Variants in CRNKL1 observed in about 807,000 individuals in gnomAD.
CRNKL1 encodes the protein crooked neck pre-mRNA splicing factor 1.
CRNKL1 carries 35 observed loss-of-function variants against 103.7 expected under a neutral mutation model. The ratio of observed to expected loss-of-function variants is 0.34; its 90% CI spans 0.26 to 0.45. The LOEUF is 0.45. CRNKL1 is among the 20% of genes least tolerant of loss of function. The probability of loss-of-function intolerance (pLI) is 1.00; values close to 1 mark genes in which losing one functional copy is unlikely to be tolerated. For missense variants in CRNKL1, 645 were observed against 836.0 expected (o/e 0.77, Z 2.82); for synonymous variants, 267 against 282.6 (o/e 0.94, Z 0.55).
In CRNKL1 at chr20:20,038,330, A is replaced by G. The variant is rs915744156; in HGVS notation, c.1647+19T>C. On this transcript the variant is annotated intron_variant, in intron 12 of 13. Transcript: ENST00000536226. Reference sequence around the variant, plus strand: ...GCTGATTCAAGCAAAATGAAAGATCATCTACAAAGCAAGGATACCTTGACA... The same window carrying G: ...GCTGATTCAAGCAAAATGAAAGATCGTCTACAAAGCAAGGATACCTTGACA... The G allele has an allele frequency of 2.3e-5, 33 of 1,454,418 alleles. No homozygotes were observed. The African/African-American group carries it at 2.4e-4, about 11-fold the overall frequency. The allele number at this position is 1,454,418 out of a possible 1,614,324, so 90.1% of individuals were successfully genotyped here.
chr20:20,049,591 A>G (rs2043652260), intron 2 of CRNKL1, among the ~76,000 whole-genome samples, 160 bp from the exon 3 acceptor site: 1 of 152,210 alleles, frequency 6.6e-6, no homozygotes. Context: ...CCCACTACAG[A>G]AGGTTACAGT....
upstream of CRNKL1, among the ~76,000 whole-genome samples, chr20:20,053,950 C>G (rs1301076157): frequency 6.6e-6 from 1 of 150,394 alleles, no homozygotes; most frequent in African/African-American, 2.4e-5. Context: ...GATCACCATC[C>G]TTCTCTCTTA....
At chr20:20,042,737 G>T (rs1246239457) in intron 7 of CRNKL1, among the ~76,000 whole-genome samples, 2 of 152,218 alleles carry the variant, frequency 1.3e-5, no homozygotes, top group African/African-American at 4.8e-5. Flanking sequence ...GTGTCCCACA[G>T]CAAGGACTCC....
upstream of CRNKL1, chr20:20,052,592 G>C (rs1435226093): frequency 6.2e-7 from 1 of 1,613,734 alleles, no homozygotes; most frequent in Admixed American, 1.7e-5. Flanking sequence ...TGCGGATGAG[G>C]TGGGTAACGC....
upstream of CRNKL1, among the ~76,000 whole-genome samples, chr20:20,053,313 A>G (rs773504471): frequency 1.2e-4 from 19 of 152,218 alleles, no homozygotes; most frequent in South Asian, 4.1e-4. Flanking sequence ...TCCTCCCTCC[A>G]CAGCTTCCTG....
intron 13 of CRNKL1, among the ~76,000 whole-genome samples, chr20:20,036,977 C>A (rs2043428796): frequency 6.6e-6 from 1 of 152,242 alleles, no homozygotes; most frequent in Non-Finnish European, 1.5e-5. Context: ...CTCCTTCTTA[C>A]CGCCTACAAG....
rs111851109 is a variant in CRNKL1, at chr20:20,047,949, G to A, written c.456-18C>T. On this transcript the variant is annotated intron_variant, in intron 4 of 13. Coordinates refer to ENST00000536226, the MANE Select transcript of CRNKL1 (RefSeq NM_001278628.2). ...ACTTGTACCTGTAACAAAATCACCC[G>A]AAAATATCTGCTGTGGTTTAGTTCT... The A allele has an allele frequency of 1.5e-4, 247 of 1,606,228 alleles. 3 individuals are homozygous for A. The African/African-American group carries it at 2.4e-3, about 15-fold the overall frequency.
At position 20,037,493 on chromosome 20, in the gene CRNKL1, C is replaced by G; in HGVS notation, c.1726G>C (p.Glu576Gln). The G allele has an allele frequency of 6.2e-7, 1 of 1,614,170 alleles. No homozygotes were observed. The highest frequency in any genetic ancestry group is 8.5e-7 in the Non-Finnish European group (1 of 1,180,024). Reference sequence around the variant, plus strand: ...CAGTTTCGCATGGTTTTGTTAGCTTCTTCATAAATTTGTCTGCATTTAGTC... The same window carrying G: ...CAGTTTCGCATGGTTTTGTTAGCTTGTTCATAAATTTGTCTGCATTTAGTC... ...SLTKCRQIYE[E>Q]ANKTMRNCEE... Residue 576 changes from glutamate to glutamine, a missense_variant, in exon 13 of 14, where the codon GAA (glutamate) becomes CAA (glutamine). Physicochemically the swap from Glu to Gln is conservative, Grantham distance 29. Transcript: ENST00000536226.
Position 20,037,082 on chromosome 20 carries a change from G to A in CRNKL1, c.1896+241C>T, listed in dbSNP as rs140974659. 1.8e-3 allele frequency among the ~76,000 whole-genome samples: 268 copies of A among 152,216 alleles called. 1 individual carries two copies. Among genetic ancestry groups the A allele is most frequent in the Non-Finnish European group, 3.2e-3 (215 of 68,020 alleles). On this transcript the variant is annotated intron_variant, in intron 13 of 13. Transcript: ENST00000536226. ...CTCTAAAAATATCACACTTCATGAA[G>A]TTCCCAGACTCAACCATCACCAAAA...
Position 20,036,338 on chromosome 20 carries a change from A to G in CRNKL1, c.1921T>C (p.Phe641Leu), listed in dbSNP as rs1307840189. The G allele has an allele frequency of 6.2e-7, 1 of 1,614,214 alleles. No homozygotes were observed. The highest frequency in any genetic ancestry group is 2.2e-5 in the East Asian group (1 of 44,882). Residue 641 changes from phenylalanine to leucine, a missense_variant, in exon 14 of 14, where the codon TTT becomes CTT. Phe to Leu is a conservative substitution (Grantham distance 22). This residue lies in a region of CRNKL1 where 582 missense variants were observed against 707.7 expected (regional missense o/e 0.82). Coordinates refer to ENST00000536226, the MANE Select transcript of CRNKL1 (RefSeq NM_001278628.2). ...DGSDAGWEEYFDYIFPEDAAN... is the reference protein window; with the variant it reads ...DGSDAGWEEYLDYIFPEDAAN... The stretch of plus-strand genomic sequence containing the variant: ...GCATCTTCTGGAAAGATGTAATCAA[A>G]GTATTCTTCCCAGCCTGCATCAGAC...
chr20:20,045,261 A>G, intron 6 of CRNKL1, 47 bp downstream of exon 6: 1 of 1,465,806 alleles, frequency 6.8e-7, no homozygotes. Context: ...ACAAAATGTA[A>G]TCTTTGCTAA....
Position 20,036,074 on chromosome 20 carries a change from T to C in CRNKL1, c.*121A>G. ...AGCATTTAAAAAATAACTTAAAAAGTAGCCATCAAAGATACCAATCAATTT... is the reference window on the plus strand; with the variant it reads ...AGCATTTAAAAAATAACTTAAAAAGCAGCCATCAAAGATACCAATCAATTT... On this transcript the variant is annotated 3_prime_UTR_variant, in exon 14 of 14. Coordinates refer to ENST00000536226, the MANE Select transcript of CRNKL1 (RefSeq NM_001278628.2). The C allele has an allele frequency of 3.0e-6, 3 of 996,170 alleles. No homozygotes were observed. The highest frequency in any genetic ancestry group is 5.3e-5 in the East Asian group (2 of 37,884). The allele number at this position is 996,170 out of a possible 1,614,324, so 61.7% of individuals were successfully genotyped here.
rs1234801452 is a variant in CRNKL1 at position 20,035,497 on chromosome 20, T to G, written c.*698A>C. 1 of 152,220 alleles carries G rather than the reference T, an allele frequency of 6.6e-6. No homozygotes were observed. Among genetic ancestry groups the G allele is most frequent in the Non-Finnish European group, 1.5e-5 (1 of 68,024 alleles). 9.4% of individuals were successfully genotyped at this position (152,220 alleles called of 1,614,324 possible). On this transcript the variant is annotated 3_prime_UTR_variant, in exon 14 of 14. Coordinates refer to ENST00000536226, the MANE Select transcript of CRNKL1 (RefSeq NM_001278628.2). The stretch of plus-strand genomic sequence containing the variant: ...TGAAATTATTAGACTAAATTCTTAG[T>G]AAACAATGTTTTCTGAACCTTGTTC...
intron 12 of CRNKL1, 125 bp downstream of exon 12, chr20:20,038,224 A>T: frequency 1.6e-6 from 1 of 618,058 alleles, no homozygotes; most frequent in Middle Eastern, 2.7e-4. Context: ...TCTCTTGAAA[A>T]GCAAGGAAGT....
chr20:20,052,283 A>G lies in CRNKL1; in HGVS notation c.51+9T>C, dbSNP rs1234595729. 1 of 1,604,750 alleles carries G rather than the reference A, an allele frequency of 6.2e-7. No individual in the cohort carries two copies. The highest frequency in any genetic ancestry group is 8.5e-7 in the Non-Finnish European group (1 of 1,177,046). On this transcript the variant is annotated intron_variant, in intron 1 of 13. Coordinates refer to ENST00000536226, the MANE Select transcript of CRNKL1 (RefSeq NM_001278628.2). The stretch of plus-strand genomic sequence containing the variant: ...GCCACCTCCTACAAGGCCCCTCGCG[A>G]TCGCCTACCTTGGCCACTTTGGGAA...
chr20:20,036,668 C>T (rs988749348), intron 13 of CRNKL1, among the ~76,000 whole-genome samples: 2 of 152,332 alleles, frequency 1.3e-5, no homozygotes, highest in South Asian at 2.1e-4. Context: ...AAACGTTTAA[C>T]GATCTTTACA....
chr20:20,054,013 G>GTTTTTTTTTTTTTT (rs1239349657), upstream of CRNKL1, among the ~76,000 whole-genome samples: 46 of 58,952 alleles, frequency 7.8e-4, no homozygotes, highest in African/African-American at 1.0e-3. Flanking sequence ...TTTTTTGTTT[G>GTTTTTTTTTTTTTT]TTTTTTTTTT....
At position 20,050,541 on chromosome 20, in the gene CRNKL1, G is replaced by A. The variant is rs898098844; in HGVS notation, c.133C>T (p.Leu45Phe). 6.2e-7 allele frequency: 1 copy of A among 1,613,950 alleles called. No homozygotes were observed. Among genetic ancestry groups the A allele is most frequent in the Admixed American group, 1.7e-5 (1 of 60,030 alleles). The change falls in exon 2 of 14, where the codon CTT becomes TTT. Residue 45 changes from leucine to phenylalanine, a missense_variant. Leu to Phe is a conservative substitution (Grantham distance 22, BLOSUM62 0). Around this residue, in one of 2 missense-constraint regions of CRNKL1, gnomAD observed 63 missense variants for 128.3 expected, o/e 0.49. Coordinates refer to ENST00000536226, the MANE Select transcript of CRNKL1 (RefSeq NM_001278628.2). ...REAKERELELLPPPPQQKITD... is the reference protein window; with the variant it reads ...REAKERELELFPPPPQQKITD... The stretch of plus-strand genomic sequence containing the variant: ...ATCTTCTGTTGAGGTGGAGGTGGAA[G>A]AAGCTCAAGTTCTCTTTCTTTAGCC...
chr20:20,045,209 G>C, intron 6 of CRNKL1, 99 bp downstream of exon 6: 1 of 992,456 alleles, frequency 1.0e-6, no homozygotes, highest in East Asian at 2.5e-5. Context: ...CATCTTTCCA[G>C]GGATATGTCA....
Sources: gnomAD v4.1 joint callset for allele counts (sites outside exome capture counted in the v4.1 genomes callset) on GRCh38, gnomAD v4.1.1 for gene constraint, gnomAD v4.1.1 regional missense constraint, MANE v1.5 for transcripts, NCBI Gene and HGNC (gene_info 2026-07-23, HGNC 2026-07-21) for gene names.